The following CCDC146 variants were observed in gnomAD, a reference collection of about 807,000 sequenced individuals.
The protein encoded by CCDC146 is coiled-coil domain containing 146.
A neutral mutation model predicts 119.3 loss-of-function variants in CCDC146; 92 were observed. The observed-to-expected ratio is 0.77, with a 90% CI of 0.65 to 0.92. The LOEUF (loss-of-function observed/expected upper bound fraction) is 0.92, where lower values mean the gene tolerates loss of function less well. Among genes scored for constraint, CCDC146 ranks in the 40% least tolerant of loss-of-function variants. CCDC146 has a pLI of 0.00. For missense variants in CCDC146, 1,000 were observed against 1,103.0 expected (o/e 0.91, Z 1.32); for synonymous variants, 372 against 371.8 (o/e 1.00, Z -0.01).
intron 2 of CCDC146, among the ~76,000 whole-genome samples, chr7:77,184,037 G>T (rs1562825560): frequency 6.6e-6 from 1 of 152,138 alleles, no homozygotes; most frequent in Non-Finnish European, 1.5e-5. Context: ...TTGAAGTTTA[G>T]ACCTGTCGTG....
At chr7:77,284,118 C>G (rs1793808555) in intron 15 of CCDC146, among the ~76,000 whole-genome samples, 1 of 152,190 alleles carries the variant, frequency 6.6e-6, no homozygotes, top group East Asian at 1.9e-4. Flanking sequence ...AGGCACGGAA[C>G]TCACCCCTTC....
chr7:77,259,949 T>C (rs1200796390), intron 7 of CCDC146, 60 bp from the exon 8 acceptor site: 1 of 6,640 alleles, frequency 1.5e-4, no homozygotes, highest in African/African-American at 9.5e-4. Flanking sequence ...AGTGTGTGTG[T>C]GTGTGTGTGT....
chr7:77,280,414 T>C lies in CCDC146; in HGVS notation c.1695-15T>C. ...GAAAATTATAATCTTACCCATTGTC[T>C]TATTACTTTAAAAGAAAGCTACAAA... On this transcript the variant is annotated splice_polypyrimidine_tract_variant and intron_variant, in intron 13 of 18. Coordinates refer to ENST00000285871, the MANE Select transcript of CCDC146 (RefSeq NM_020879.3). 1 of 1,585,600 alleles carries C rather than the reference T, an allele frequency of 6.3e-7. No homozygotes were observed. Among genetic ancestry groups the C allele is most frequent in the Non-Finnish European group, 8.6e-7 (1 of 1,163,956 alleles).
At position 77,264,319 on chromosome 7, in the gene CCDC146, A is replaced by T. The variant is rs78888194; in HGVS notation, c.1173+2012A>T. On this transcript the variant is annotated intron_variant, in intron 9 of 18. Transcript: ENST00000285871. The stretch of plus-strand genomic sequence containing the variant: ...TTGCTGCCCAGGCTGAAGTGCAGGC[A>T]CCATCTCAGCTCACTGCAATCTCCA... 2.4e-4 allele frequency among the ~76,000 whole-genome samples: 36 copies of T among 152,098 alleles called. No individual in the cohort carries two copies. The East Asian group carries it at 7.0e-3, about 29-fold the overall frequency.
chr7:77,227,077 A>T (rs1792528831), intron 2 of CCDC146, among the ~76,000 whole-genome samples: 1 of 152,212 alleles, frequency 6.6e-6, no homozygotes, highest in Non-Finnish European at 1.5e-5. Context: ...AACATTCTGA[A>T]CATCTATGAC....
intron 2 of CCDC146, chr7:77,194,378 A>G (rs752068430): frequency 6.6e-6 from 1 of 152,092 alleles, no homozygotes; most frequent in Non-Finnish European, 1.5e-5. Context: ...CAGTTACATC[A>G]TTTACATTTG....
chr7:77,251,568 G>A (rs530798640), intron 4 of CCDC146, among the ~76,000 whole-genome samples: 103 of 152,250 alleles, frequency 6.8e-4, no homozygotes, highest in African/African-American at 2.1e-3. Context: ...CTGGGTAAAA[G>A]GAATTGCTTT....
chr7:77,234,721 C>T (rs182288227), intron 2 of CCDC146, among the ~76,000 whole-genome samples: 24 of 151,832 alleles, frequency 1.6e-4, no homozygotes, highest in Middle Eastern at 3.4e-3. Flanking sequence ...GGCAACAGAG[C>T]GACAATCCAT....
intron 1 of CCDC146, among the ~76,000 whole-genome samples, chr7:77,159,575 A>G (rs2117463934): frequency 6.6e-6 from 1 of 152,294 alleles, no homozygotes; most frequent in African/African-American, 2.4e-5. Context: ...GGCTTTTGTA[A>G]ATAGTGATGA....
intron 2 of CCDC146, among the ~76,000 whole-genome samples, chr7:77,210,348 C>T (rs1219492347): frequency 1.3e-5 from 2 of 152,212 alleles, no homozygotes; most frequent in Non-Finnish European, 2.9e-5. Context: ...GGGCACAATG[C>T]CACCAGTCTC....
chr7:77,202,081 C>T (rs1455430226), intron 2 of CCDC146, among the ~76,000 whole-genome samples: 2 of 152,210 alleles, frequency 1.3e-5, no homozygotes, highest in Non-Finnish European at 1.5e-5. Flanking sequence ...TATGCTAGAG[C>T]ATATATAAGA....
At chr7:77,226,188 C>T (rs557820970) in intron 2 of CCDC146, among the ~76,000 whole-genome samples, 18 of 152,118 alleles carry the variant, frequency 1.2e-4, no homozygotes, top group African/African-American at 3.1e-4. Context: ...TTGAAATGGC[C>T]GTATTGTTTA....
At chr7:77,133,751 T>C (rs1252819713) in intron 1 of CCDC146, among the ~76,000 whole-genome samples, 1 of 150,856 alleles carries the variant, frequency 6.6e-6, no homozygotes, top group Non-Finnish European at 1.5e-5. Context: ...GGGTTCTTCA[T>C]GTAAGGCACT....
chr7:77,191,813 G>A (rs1308281776), intron 2 of CCDC146, among the ~76,000 whole-genome samples: 5 of 152,136 alleles, frequency 3.3e-5, no homozygotes, highest in Admixed American at 2.0e-4. Flanking sequence ...GGGAGGCTGA[G>A]GCAGGAGAAT....
chr7:77,199,686 C>A (rs1364826618), intron 2 of CCDC146: 4 of 1,614,172 alleles, frequency 2.5e-6, no homozygotes, highest in Non-Finnish European at 3.4e-6. Context: ...GGCAGACATC[C>A]TTTGCTCTTT....
At position 77,273,043 on chromosome 7, in the gene CCDC146, A is replaced by G. The variant is rs528042635; in HGVS notation, c.1174-651A>G. On this transcript the variant is annotated intron_variant, in intron 9 of 18. Coordinates refer to ENST00000285871, the MANE Select transcript of CCDC146 (RefSeq NM_020879.3). ...ATTTTATAATAACTATAATTTGAATAGTCATAGTATATTCATGTCTCCAAA... is the reference window on the plus strand; with the variant it reads ...ATTTTATAATAACTATAATTTGAATGGTCATAGTATATTCATGTCTCCAAA... Among the ~76,000 whole-genome samples, 31 of 152,334 alleles carry G rather than the reference A, an allele frequency of 2.0e-4. 2 individuals are homozygous for G. The East Asian group carries it at 6.0e-3, about 29-fold the overall frequency.
At chr7:77,188,699 T>G (rs1169694414) in intron 2 of CCDC146, among the ~76,000 whole-genome samples, 1 of 152,230 alleles carries the variant, frequency 6.6e-6, no homozygotes, top group African/African-American at 2.4e-5. Context: ...TTAAAAGTTT[T>G]GTAGAATACC....
intron 1 of CCDC146, among the ~76,000 whole-genome samples, chr7:77,155,808 A>C (rs1353492303): frequency 6.6e-6 from 1 of 152,188 alleles, no homozygotes; most frequent in Non-Finnish European, 1.5e-5. Context: ...GAAACACATC[A>C]TGTCTGTTTC....
intron 2 of CCDC146, among the ~76,000 whole-genome samples, chr7:77,171,789 T>C (rs1237085987): frequency 6.6e-6 from 1 of 152,242 alleles, no homozygotes; most frequent in Non-Finnish European, 1.5e-5. Flanking sequence ...AACTTGAGTT[T>C]ATTTGTAGCA....
Sources: gnomAD v4.1 joint callset for allele counts (sites outside exome capture counted in the v4.1 genomes callset) on GRCh38, gnomAD v4.1.1 for gene constraint, MANE v1.5 for transcripts, NCBI Gene and HGNC (gene_info 2026-07-23, HGNC 2026-07-21) for gene names.